SLC39A6: variants seen among roughly 807,000 people sequenced by gnomAD.
SLC39A6 encodes zinc transporter ZIP6.
Under a neutral mutation model 63.5 loss-of-function variants are expected in SLC39A6, and 51 were observed. The ratio of observed to expected loss-of-function variants is 0.80; its 90% CI spans 0.64 to 1.01. SLC39A6 has a LOEUF of 1.01. Ranked by LOEUF, SLC39A6 falls within the 50% of genes least tolerant of loss-of-function variation. The probability of loss-of-function intolerance (pLI) is 0.00; values close to 1 mark genes in which losing one functional copy is unlikely to be tolerated. For missense variants in SLC39A6, 805 were observed against 927.8 expected, an observed-to-expected ratio of 0.87 and a Z score of 1.72; for synonymous variants, 318 against 324.7, an observed-to-expected ratio of 0.98 and a Z score of 0.22.
intron 5 of SLC39A6, 78 bp downstream of exon 5, chr18:36,121,974 T>C: frequency 9.5e-7 from 1 of 1,051,828 alleles, no homozygotes; most frequent in South Asian, 1.5e-5. Flanking sequence ...CTGGGCATGC[T>C]ATTCTAACAA....
intron 1 of SLC39A6, among the ~76,000 whole-genome samples, chr18:36,127,738 T>C (rs993651232): frequency 3.3e-5 from 5 of 151,762 alleles, no homozygotes; most frequent in African/African-American, 9.7e-5. Flanking sequence ...ATATTTTCTA[T>C]GCATACTCAA....
At chr18:36,123,805 C>T in intron 3 of SLC39A6, 141 bp from the exon 4 acceptor site, 1 of 743,250 alleles carries the variant, frequency 1.3e-6, no homozygotes, top group Non-Finnish European at 2.1e-6. Flanking sequence ...ATAGGACCTA[C>T]TGTGGCAATA....
intron 9 of SLC39A6, among the ~76,000 whole-genome samples, chr18:36,110,629 C>T (rs1322558433): frequency 6.6e-6 from 1 of 152,022 alleles, no homozygotes; most frequent in African/African-American, 2.4e-5. Context: ...ACCTCCATCT[C>T]CTGGGTTCAA....
intron 6 of SLC39A6, among the ~76,000 whole-genome samples, chr18:36,116,356 T>C (rs1389875565): frequency 1.3e-5 from 2 of 151,980 alleles, no homozygotes; most frequent in Non-Finnish European, 2.9e-5. Context: ...AAGAAAAAGG[T>C]GTGTGTGTAG....
At chr18:36,125,655 C>T (rs1041188171) in intron 2 of SLC39A6, among the ~76,000 whole-genome samples, 1 of 152,004 alleles carries the variant, frequency 6.6e-6, no homozygotes, top group Admixed American at 6.5e-5. Context: ...GAATTACGTA[C>T]AGTCTGGAAG....
Position 36,114,366 on chromosome 18 carries a change from T to G in SLC39A6, c.1574A>C (p.Gln525Pro), listed in dbSNP as rs201536322. The change falls in exon 7 of 10, where the codon CAG becomes CCG. Residue 525 changes from glutamine (Q) to proline (P), a missense_variant. By Grantham distance (76) the Gln-to-Pro change is moderately conservative. Coordinates refer to ENST00000269187, the MANE Select transcript of SLC39A6 (RefSeq NM_012319.4). ...GGGTACATATTCATTGTAGACTTCC[T>G]GTGGATGAGCATGAGCTATCATGAC... Reference protein sequence around the residue: ...EEVMIAHAHPQEVYNEYVPRG... With the variant: ...EEVMIAHAHPPEVYNEYVPRG... 5.6e-6 allele frequency: 9 copies of G among 1,614,266 alleles called. No individual in the cohort carries two copies. The Admixed American group carries it at 6.7e-5, about 12-fold the overall frequency.
Position 36,124,421 on chromosome 18 carries a change from A to G in SLC39A6, c.970+99T>C, listed in dbSNP as rs953989570. ...AGAACAACTAAGATGACATATTCAG[A>G]ATTGTACTGGAAAACAAATAGGCTG... On this transcript the variant is annotated intron_variant, in intron 3 of 9. Transcript: ENST00000269187. The G allele has an allele frequency of 5.6e-6, 4 of 712,170 alleles. No homozygotes were observed. In the Admixed American group the frequency reaches 1.1e-4, roughly 19 times the overall value. The allele number at this position is 712,170 out of a possible 1,614,324, so 44.1% of individuals were successfully genotyped here. A position where few individuals can be genotyped will look rare whatever the true frequency, so the allele number is the denominator to read the frequency against.
At position 36,111,173 on chromosome 18, in the gene SLC39A6, C is replaced by T. The variant is rs2089296907; in HGVS notation, c.2001G>A (p.Leu667=). ...TTCCTGTTGCCATTCCAAGATACGCCAGCATGGCTGACAATGCATTATAAA... is the reference window on the plus strand; with the variant it reads ...TTCCTGTTGCCATTCCAAGATACGCTAGCATGGCTGACAATGCATTATAAA... ...AVLYNALSAM[L]AYLGMATGIF... is the part of the protein sequence containing the mutation. Residue 667 remains leucine, a synonymous_variant, in exon 9 of 10, where the codon CTG becomes CTA. Coordinates refer to ENST00000269187, the MANE Select transcript of SLC39A6 (RefSeq NM_012319.4). The T allele has an allele frequency of 6.2e-7, 1 of 1,614,098 alleles. No individual in the cohort carries two copies. Among genetic ancestry groups the T allele is most frequent in the Non-Finnish European group, 8.5e-7 (1 of 1,179,960 alleles).
chr18:36,116,666 G>A lies in SLC39A6; in HGVS notation c.1465+8C>T, dbSNP rs1567958354. The A allele has an allele frequency of 6.3e-7, 1 of 1,581,102 alleles. No homozygotes were observed. Among genetic ancestry groups the A allele is most frequent in the East Asian group, 2.2e-5 (1 of 44,630 alleles). On this transcript the variant is annotated splice_region_variant and intron_variant, in intron 6 of 9. Transcript: ENST00000269187. The stretch of plus-strand genomic sequence containing the variant: ...CTCCAGCCCTAAAATTTATGCATAA[G>A]AACTTACGATCATCTGTATCTACTT...
rs559611527 is a variant in SLC39A6, at chr18:36,108,977, T to C, written c.*616A>G. 2.6e-5 allele frequency: 4 copies of C among 152,334 alleles called. No individual in the cohort carries two copies. The highest frequency in any genetic ancestry group is 2.1e-4 in the South Asian group (1 of 4,832). The allele number at this position is 152,334 out of a possible 1,614,324, so 9.4% of individuals were successfully genotyped here. On this transcript the variant is annotated 3_prime_UTR_variant, in exon 10 of 10. Coordinates refer to ENST00000269187, the MANE Select transcript of SLC39A6 (RefSeq NM_012319.4). ...AAAGTTAAATGTACAACTAAATTAG[T>C]ATATGAAAAGTGCTCACTACGTTTT...
In SLC39A6 at chr18:36,109,763, G is replaced by C. The variant is rs1229498421; in HGVS notation, c.2116-18C>G. The C allele has an allele frequency of 1.9e-6, 3 of 1,585,218 alleles. No individual in the cohort carries two copies. Among genetic ancestry groups the C allele is most frequent in the East Asian group, 4.5e-5 (2 of 44,424 alleles). On this transcript the variant is annotated intron_variant, in intron 9 of 9. Transcript: ENST00000269187. ...TCAGGTACCTTTAAAAAAAAGTAAGGGAAAATAAGAGTGACATTTAAGTTT... is the reference window on the plus strand; with the variant it reads ...TCAGGTACCTTTAAAAAAAAGTAAGCGAAAATAAGAGTGACATTTAAGTTT...
intron 8 of SLC39A6, among the ~76,000 whole-genome samples, chr18:36,111,649 T>A (rs943808283): frequency 5.3e-5 from 8 of 152,144 alleles, no homozygotes; most frequent in Middle Eastern, 3.2e-3. Flanking sequence ...CACACCTGGA[T>A]AATTTTTTTA....
chr18:36,124,924 C>T (rs2089423944), intron 2 of SLC39A6, among the ~76,000 whole-genome samples: 1 of 152,182 alleles, frequency 6.6e-6, no homozygotes, highest in African/African-American at 2.4e-5. Flanking sequence ...AGCAGTACAT[C>T]ACGAGTCACC....
Position 36,122,096 on chromosome 18 carries a change from G to A in SLC39A6, c.1315C>T (p.His439Tyr). ...GGLYFMFLVE[H>Y]VLTLIKQFKD... ...AATTGTTTGATCAATGTGAGGACATGTTCAACAAGAAACATGAAATACAGG... is the reference window on the plus strand; with the variant it reads ...AATTGTTTGATCAATGTGAGGACATATTCAACAAGAAACATGAAATACAGG... Residue 439 changes from histidine to tyrosine, a missense_variant, in exon 5 of 10, where the codon CAT becomes TAT. Physicochemically the swap from His to Tyr is moderately conservative, Grantham distance 83. Transcript: ENST00000269187. 6.2e-7 allele frequency: 1 copy of A among 1,613,890 alleles called. No homozygotes were observed. Among genetic ancestry groups the A allele is most frequent in the Non-Finnish European group, 8.5e-7 (1 of 1,179,928 alleles).
intron 5 of SLC39A6, among the ~76,000 whole-genome samples, chr18:36,117,279 C>A (rs1163226509): frequency 2.0e-5 from 3 of 152,170 alleles, no homozygotes; most frequent in African/African-American, 7.2e-5. Flanking sequence ...TTCCTTCAGG[C>A]ATCTAGTGAT....
chr18:36,128,308 TCC>T (rs2089465432), intron 1 of SLC39A6, among the ~76,000 whole-genome samples: 1 of 152,222 alleles, frequency 6.6e-6, no homozygotes, highest in Non-Finnish European at 1.5e-5. Flanking sequence ...CATGGGGCTA[TCC>T]AGCTCTACCA....
intron 9 of SLC39A6, among the ~76,000 whole-genome samples, 184 bp from the exon 10 acceptor site, chr18:36,109,929 C>T (rs2089287999): frequency 6.6e-6 from 1 of 152,098 alleles, no homozygotes; most frequent in South Asian, 2.1e-4. Flanking sequence ...ACAGCATTTC[C>T]TAGCAGTTTA....
At position 36,108,585 on chromosome 18, in the gene SLC39A6, C is replaced by A. The variant is rs1429222100; in HGVS notation, c.*1008G>T. Reference sequence around the variant, plus strand: ...AAAAAGAAACATCTAGAGAATGCCACAGACAGGCCTAGTATGGCTACAGTA... The same window carrying A: ...AAAAAGAAACATCTAGAGAATGCCAAAGACAGGCCTAGTATGGCTACAGTA... On this transcript the variant is annotated 3_prime_UTR_variant, in exon 10 of 10. Transcript: ENST00000269187. 6.6e-6 allele frequency: 1 copy of A among 152,134 alleles called. No individual in the cohort carries two copies. Among genetic ancestry groups the A allele is most frequent in the Non-Finnish European group, 1.5e-5 (1 of 68,030 alleles). The allele number at this position is 152,134 out of a possible 1,614,324, so 9.4% of individuals were successfully genotyped here. A position where few individuals can be genotyped will look rare whatever the true frequency, so the allele number is the denominator to read the frequency against.
intron 2 of SLC39A6, among the ~76,000 whole-genome samples, chr18:36,125,713 T>C (rs2089431890): frequency 6.6e-6 from 1 of 152,154 alleles, no homozygotes; most frequent in Non-Finnish European, 1.5e-5. Context: ...TGTCCCAACT[T>C]TTCCCTTGTC....
Sources: gnomAD v4.1 joint callset for allele counts (sites outside exome capture counted in the v4.1 genomes callset) on GRCh38, gnomAD v4.1.1 for gene constraint, MANE v1.5 for transcripts, NCBI Gene and HGNC (gene_info 2026-07-23, HGNC 2026-07-21) for gene names.